Variants in C8orf34 observed in about 807,000 individuals in gnomAD.
The protein encoded by C8orf34 is uncharacterized protein C8orf34.
Under a neutral mutation model 68.3 loss-of-function variants are expected in C8orf34, and 65 were observed. The observed-to-expected ratio is 0.95, with a 90% confidence interval of 0.78 to 1.17. The LOEUF is 1.17. C8orf34 is among the 50% of genes most tolerant of loss of function. The pLI, the probability that C8orf34 is intolerant of heterozygous loss-of-function variation, is 0.00. For synonymous variants in C8orf34, 244 were observed against 241.2 expected, an observed-to-expected ratio of 1.01 and a Z score of -0.11; for missense variants, 664 against 655.4, an observed-to-expected ratio of 1.01 and a Z score of -0.14.
intron 8 of C8orf34, among the ~76,000 whole-genome samples, chr8:68,666,444 G>A (rs537167454): frequency 4.6e-5 from 7 of 152,258 alleles, no homozygotes; most frequent in Middle Eastern, 3.4e-3. Context: ...GAGAATGAAA[G>A]GATTTTCAGA....
chr8:68,798,847 G>T (rs1333861494), intron 12 of C8orf34, among the ~76,000 whole-genome samples: 1 of 152,110 alleles, frequency 6.6e-6, no homozygotes, highest in Non-Finnish European at 1.5e-5. Flanking sequence ...AAAATTTAAA[G>T]AGTAACATTT....
intron 13 of C8orf34, among the ~76,000 whole-genome samples, chr8:68,816,163 T>C (rs2129530160): frequency 6.7e-6 from 1 of 149,644 alleles, no homozygotes; most frequent in East Asian, 2.0e-4. Context: ...TGTGTGTGCA[T>C]GTTCTATAGG....
At chr8:68,557,711 C>T (rs950213441) in intron 7 of C8orf34, among the ~76,000 whole-genome samples, 11 of 152,270 alleles carry the variant, frequency 7.2e-5, no homozygotes, top group Admixed American at 5.9e-4. Context: ...AAACATCCTT[C>T]CCAAAGAGTA....
intron 1 of C8orf34, among the ~76,000 whole-genome samples, chr8:68,343,625 G>A (rs946699810): frequency 1.4e-5 from 2 of 146,004 alleles, no homozygotes; most frequent in East Asian, 2.0e-4. Flanking sequence ...ACAGAGTCTC[G>A]CTCTGCCGCC....
rs529364763 is a variant in C8orf34, at chr8:68,608,130, A to G, written c.1106-32246A>G. Reference sequence around the variant, plus strand: ...GTAGACACCAAATGCAGAAAAAAAAACAATAAAACTTGGACTCTGTCTTCA... The same window carrying G: ...GTAGACACCAAATGCAGAAAAAAAAGCAATAAAACTTGGACTCTGTCTTCA... On this transcript the variant is annotated intron_variant, in intron 7 of 13. Transcript: ENST00000518698. Among the ~76,000 whole-genome samples, 241 of 150,626 alleles carry G rather than the reference A, an allele frequency of 1.6e-3. 1 individual carries two copies. The highest frequency in any genetic ancestry group is 5.4e-3 in the African/African-American group (220 of 40,536).
At chr8:68,774,080 C>A (rs1164192633) in intron 10 of C8orf34, among the ~76,000 whole-genome samples, 1 of 152,066 alleles carries the variant, frequency 6.6e-6, no homozygotes, top group East Asian at 1.9e-4. Context: ...AGGCAAGCCT[C>A]CCATGCTGGC....
chr8:68,507,073 G>T lies in C8orf34; in HGVS notation c.766-14726G>T, dbSNP rs144534488. ...GGAGAATTGACATCTTCACCTTTCT[G>T]AGTCATCCTACCTATGAATATGCCA... On this transcript the variant is annotated intron_variant, in intron 5 of 13. Coordinates refer to ENST00000518698, the MANE Select transcript of C8orf34 (RefSeq NM_052958.4). Among the ~76,000 whole-genome samples the T allele has an allele frequency of 5.9e-3, 891 of 152,182 alleles. 10 individuals carry two copies. The highest frequency in any genetic ancestry group is 0.021 in the African/African-American group (855 of 41,524).
At chr8:68,807,385 A>G (rs1444137548) in intron 12 of C8orf34, among the ~76,000 whole-genome samples, 2 of 152,224 alleles carry the variant, frequency 1.3e-5, no homozygotes, top group African/African-American at 4.8e-5. Context: ...AACTCTGAGT[A>G]TAATTCTGAA....
intron 7 of C8orf34, among the ~76,000 whole-genome samples, chr8:68,581,435 AG>A (rs1318095532): frequency 2.6e-5 from 4 of 152,086 alleles, no homozygotes; most frequent in Non-Finnish European, 5.9e-5. Flanking sequence ...GGCCTGCTTC[AG>A]GGGAGAAGAG....
intron 8 of C8orf34, among the ~76,000 whole-genome samples, chr8:68,652,871 T>C (rs1819403637): frequency 6.6e-6 from 1 of 152,158 alleles, no homozygotes; most frequent in Non-Finnish European, 1.5e-5. Flanking sequence ...ATTGTGGGAA[T>C]GGCATTGCTT....
chr8:68,436,616 T>C (rs1219589626), intron 1 of C8orf34, among the ~76,000 whole-genome samples: 2 of 152,196 alleles, frequency 1.3e-5, no homozygotes, highest in Non-Finnish European at 2.9e-5. Flanking sequence ...ATGGTAAGAA[T>C]TGAAGGTGAG....
At chr8:68,790,697 TTG>T (rs1823969711) in intron 12 of C8orf34, 6 of 450,704 alleles carry the variant, frequency 1.3e-5, no homozygotes, top group Non-Finnish European at 2.3e-5. Context: ...TGTGTCAGGG[TTG>T]TGTTTCTTTC....
chr8:68,504,096 C>T (rs1208663691), intron 5 of C8orf34, among the ~76,000 whole-genome samples: 2 of 152,176 alleles, frequency 1.3e-5, no homozygotes, highest in Non-Finnish European at 2.9e-5. Flanking sequence ...CCAGTCCCTC[C>T]AACTCCTCAG....
At chr8:68,808,772 G>A (rs1438928009) in intron 12 of C8orf34, among the ~76,000 whole-genome samples, 1 of 152,018 alleles carries the variant, frequency 6.6e-6, no homozygotes, top group Non-Finnish European at 1.5e-5. Flanking sequence ...ATCCGCAGGG[G>A]TCTTGGAACC....
intron 3 of C8orf34, among the ~76,000 whole-genome samples, chr8:68,464,696 G>T (rs1812024851): frequency 6.6e-6 from 1 of 150,892 alleles, no homozygotes; most frequent in African/African-American, 2.4e-5. Context: ...ACAAGCAATG[G>T]GGAAAGGATT....
intron 12 of C8orf34, among the ~76,000 whole-genome samples, chr8:68,797,658 G>A (rs1396428799): frequency 6.6e-6 from 1 of 152,168 alleles, no homozygotes; most frequent in Non-Finnish European, 1.5e-5. Context: ...TGTTAGAGTT[G>A]ATTATGTCAC....
chr8:68,402,204 A>G (rs565449306), intron 1 of C8orf34, among the ~76,000 whole-genome samples: 1 of 152,134 alleles, frequency 6.6e-6, no homozygotes, highest in Non-Finnish European at 1.5e-5. Flanking sequence ...TAGTTGTTTC[A>G]TATCAATCTC....
At chr8:68,431,101 G>C (rs1227561836) in intron 1 of C8orf34, among the ~76,000 whole-genome samples, 1 of 152,024 alleles carries the variant, frequency 6.6e-6, no homozygotes, top group East Asian at 1.9e-4. Context: ...TATAAATCCA[G>C]GTCAAACACC....
chr8:68,652,828 A>G (rs1356868606), intron 8 of C8orf34, among the ~76,000 whole-genome samples: 1 of 152,214 alleles, frequency 6.6e-6, no homozygotes, highest in Admixed American at 6.5e-5. Context: ...GCAAAAATGT[A>G]CAGTAGAGAA....
Sources: gnomAD v4.1 joint callset for allele counts (sites outside exome capture counted in the v4.1 genomes callset) on GRCh38, gnomAD v4.1.1 for gene constraint, MANE v1.5 for transcripts, NCBI Gene and HGNC (gene_info 2026-07-23, HGNC 2026-07-21) for gene names.